The following SYCP2 variants were observed in gnomAD, a reference collection of about 807,000 sequenced individuals.
SYCP2 encodes the protein synaptonemal complex protein 2, also known as synaptonemal complex lateral element protein.
Under a neutral mutation model 211.3 loss-of-function variants are expected in SYCP2, and 55 were observed. The ratio of observed to expected loss-of-function variants is 0.26; its 90% CI spans 0.21 to 0.33. The LOEUF is 0.33. SYCP2 is among the 10% of genes least tolerant of loss of function. The pLI, the probability that SYCP2 is intolerant of heterozygous loss-of-function variation, is 1.00. For synonymous variants in SYCP2, 570 were observed against 555.2 expected, an observed-to-expected ratio of 1.03 and a Z score of -0.37; for missense variants, 1,731 against 1,752.0, an observed-to-expected ratio of 0.99 and a Z score of 0.21.
At chr20:59,886,025 A>AT in intron 25 of SYCP2, 61 bp from the exon 26 acceptor site, 1 of 1,248,282 alleles carries the variant, frequency 8.0e-7, no homozygotes. Flanking sequence ...CATAAAAGTC[A>AT]TTTTAAGATA....
intron 2 of SYCP2, 93 bp from the exon 3 acceptor site, chr20:59,922,552 A>G (rs1001200277): frequency 5.5e-6 from 3 of 540,698 alleles, no homozygotes; most frequent in Non-Finnish European, 9.3e-6. Flanking sequence ...TGCATTTGTT[A>G]TTTATACCAA....
At chr20:59,931,652 G>A (rs1038350125) in intron 2 of SYCP2, among the ~76,000 whole-genome samples, 1 of 152,174 alleles carries the variant, frequency 6.6e-6, no homozygotes, top group Non-Finnish European at 1.5e-5. Flanking sequence ...AAAATGCCCT[G>A]AGACATTAAT....
chr20:59,909,216 T>TA (rs1488784939), intron 14 of SYCP2, among the ~76,000 whole-genome samples: 4 of 152,228 alleles, frequency 2.6e-5, no homozygotes, highest in African/African-American at 9.6e-5. Context: ...AGGCACTCAT[T>TA]AAAACCCATG....
chr20:59,893,841 CATA>C (rs1261666568), intron 20 of SYCP2, among the ~76,000 whole-genome samples: 11 of 152,040 alleles, frequency 7.2e-5, no homozygotes, highest in Admixed American at 1.3e-4. Flanking sequence ...CCATAGCTAG[CATA>C]ATAATTCAGT....
Position 59,864,220 on chromosome 20 carries a change from G to T in SYCP2, c.*91C>A. 1.1e-6 allele frequency: 1 copy of T among 898,698 alleles called. No homozygotes were observed. The highest frequency in any genetic ancestry group is 1.7e-6 in the Non-Finnish European group (1 of 593,820). 55.7% of individuals were successfully genotyped at this position (898,698 alleles called of 1,614,324 possible). On this transcript the variant is annotated 3_prime_UTR_variant, in exon 45 of 45. Transcript: ENST00000357552. ...AAGGGTACACTTGCTTCGGTGACAT[G>T]TATATTTTTCTCTTTGTAGGACTAT... is the stretch of plus-strand genomic sequence containing the variant.
chr20:59,872,795 A>C (rs774543641), intron 35 of SYCP2, among the ~76,000 whole-genome samples: 3 of 152,074 alleles, frequency 2.0e-5, no homozygotes, highest in Non-Finnish European at 4.4e-5. Flanking sequence ...TTATTCCTGC[A>C]ATGCAGGTAC....
intron 15 of SYCP2, among the ~76,000 whole-genome samples, chr20:59,905,739 C>T (rs2060201817): frequency 6.6e-6 from 1 of 152,132 alleles, no homozygotes; most frequent in Non-Finnish European, 1.5e-5. Flanking sequence ...AAGGTTATCT[C>T]TACAAAAGAC....
intron 18 of SYCP2, 145 bp from the exon 19 acceptor site, chr20:59,896,673 T>C (rs917565367): frequency 1.8e-6 from 1 of 551,772 alleles, no homozygotes; most frequent in Non-Finnish European, 3.2e-6. Context: ...TAAATTTCCA[T>C]GTTTTAGGCT....
chr20:59,920,503 T>A lies in SYCP2; in HGVS notation c.169-16A>T. The A allele has an allele frequency of 6.4e-7, 1 of 1,567,636 alleles. No individual in the cohort carries two copies. Among genetic ancestry groups the A allele is most frequent in the South Asian group, 1.1e-5 (1 of 87,454 alleles). On this transcript the variant is annotated splice_polypyrimidine_tract_variant and intron_variant, in intron 4 of 44. Transcript: ENST00000357552. Reference sequence around the variant, plus strand: ...TATTAAGTTCCTGAAATAAAAGGTATACATTAAAATTTCTGTAAACACAAA... The same window carrying A: ...TATTAAGTTCCTGAAATAAAAGGTAAACATTAAAATTTCTGTAAACACAAA...
intron 2 of SYCP2, among the ~76,000 whole-genome samples, chr20:59,931,256 C>A (rs915263642): frequency 6.6e-6 from 1 of 152,176 alleles, no homozygotes; most frequent in African/African-American, 2.4e-5. Flanking sequence ...CCTATTTCTA[C>A]AAAAATAAAA....
intron 14 of SYCP2, among the ~76,000 whole-genome samples, chr20:59,908,866 A>G (rs1011627855): frequency 7.2e-5 from 11 of 152,006 alleles, no homozygotes; most frequent in African/African-American, 2.7e-4. Context: ...TCCTTAATAT[A>G]CCCAAAAAAA....
intron 8 of SYCP2, 22 bp from the exon 9 acceptor site, chr20:59,915,572 T>C (rs1341721117): frequency 7.2e-7 from 1 of 1,379,810 alleles, no homozygotes; most frequent in East Asian, 2.3e-5. Context: ...AAAAAGATAA[T>C]GCATTAACTT....
In SYCP2 at chr20:59,868,824, T is replaced by C; in HGVS notation, c.3832+11A>G. On this transcript the variant is annotated intron_variant, in intron 37 of 44. Coordinates refer to ENST00000357552, the MANE Select transcript of SYCP2 (RefSeq NM_014258.4). ...AATCATTTTTTAAAAAGCAAGACTA[T>C]GACTACAAACCTGATACATGAGTAG... is the stretch of plus-strand genomic sequence containing the variant. 6.3e-7 allele frequency: 1 copy of C among 1,588,902 alleles called. No individual in the cohort carries two copies.
In SYCP2 at chr20:59,922,443, C is replaced by T; in HGVS notation, c.-30G>A. 1 of 1,248,128 alleles carries T rather than the reference C, an allele frequency of 8.0e-7. No individual in the cohort carries two copies. Among genetic ancestry groups the T allele is most frequent in the Non-Finnish European group, 1.1e-6 (1 of 885,876 alleles). The allele number at this position is 1,248,128 out of a possible 1,614,324, so 77.3% of individuals were successfully genotyped here. ...ACTTCATTTAAAAAAAAAAAAAAAG[C>T]AAGACAAAATAAACACCTATAAAAG... On this transcript the variant is annotated 5_prime_UTR_variant, in exon 3 of 45. Transcript: ENST00000357552.
intron 5 of SYCP2, among the ~76,000 whole-genome samples, chr20:59,919,965 T>C (rs1343101053): frequency 2.0e-5 from 3 of 151,726 alleles, no homozygotes; most frequent in Non-Finnish European, 3.0e-5. Context: ...TTAATTTAGA[T>C]ATTTGAGTAC....
intron 13 of SYCP2, 149 bp from the exon 14 acceptor site, chr20:59,911,994 T>C (rs961315523): frequency 2.2e-6 from 1 of 457,146 alleles, no homozygotes; most frequent in Admixed American, 4.2e-5. Flanking sequence ...TAGATAAATT[T>C]AAAAACAATC....
chr20:59,896,320 T>C, intron 19 of SYCP2, 109 bp downstream of exon 19: 1 of 606,572 alleles, frequency 1.6e-6, no homozygotes, highest in Non-Finnish European at 2.8e-6. Context: ...TTATCAATTT[T>C]TATACACCAA....
chr20:59,928,670 A>G (rs967832456), intron 2 of SYCP2, among the ~76,000 whole-genome samples: 2 of 152,178 alleles, frequency 1.3e-5, no homozygotes, highest in African/African-American at 2.4e-5. Context: ...ACATAAGCAT[A>G]TATTGGAAGT....
intron 44 of SYCP2, 79 bp from the exon 45 acceptor site, chr20:59,864,467 AATCAAGCTGTTATTAGTGAT>A (rs1209886363): frequency 2.0e-6 from 2 of 985,566 alleles, no homozygotes; most frequent in African/African-American, 3.3e-5. Flanking sequence ...GAAAAAAAAA[AATCAAGCTGTTATTAGTGAT>A]TCATTTTAAA....
Sources: gnomAD v4.1 joint callset for allele counts (sites outside exome capture counted in the v4.1 genomes callset) on GRCh38, gnomAD v4.1.1 for gene constraint, MANE v1.5 for transcripts, NCBI Gene and HGNC (gene_info 2026-07-23, HGNC 2026-07-21) for gene names.